The following DLEC1 variants were observed in gnomAD, a reference collection of about 807,000 sequenced individuals.
The protein encoded by DLEC1 is DLEC1 cilia and flagella associated protein, also known as deleted in lung and esophageal cancer protein 1.
DLEC1 carries 146 observed loss-of-function variants against 198.1 expected under a neutral mutation model. That is an observed-to-expected ratio of 0.74 (90% confidence interval 0.64 to 0.85). The LOEUF (loss-of-function observed/expected upper bound fraction) is 0.85, where lower values mean the gene tolerates loss of function less well. DLEC1 is among the 40% of genes least tolerant of loss of function. The pLI is 0.00. For synonymous variants in DLEC1, 897 were observed against 866.8 expected, an observed-to-expected ratio of 1.03 and a Z score of -0.61; for missense variants, 2,233 against 2,220.0, an observed-to-expected ratio of 1.01 and a Z score of -0.12.
At chr3:38,051,653 A>C (rs1188125063) in intron 2 of DLEC1, 3 of 223,868 alleles carry the variant, frequency 1.3e-5, no homozygotes, top group Admixed American at 1.3e-4. Flanking sequence ...GCAGAGCTAG[A>C]GAATAAAAGC....
At chr3:38,079,011 G>C (rs1275386117) in intron 6 of DLEC1, among the ~76,000 whole-genome samples, 3 of 152,184 alleles carry the variant, frequency 2.0e-5, no homozygotes, top group African/African-American at 4.8e-5. Flanking sequence ...CATGCTGTGG[G>C]ATGGGATATT....
rs189664548 is a variant in DLEC1, at chr3:38,041,204, G to C, written c.411+1568G>C. On this transcript the variant is annotated intron_variant, in intron 1 of 36. Transcript: ENST00000308059. ...TTTTTAGTAGAGACAGGGTTTCACT[G>C]TGTTAGCCAGGATGGTCTCGATCTC... is the stretch of plus-strand genomic sequence containing the variant. 2.0e-3 allele frequency among the ~76,000 whole-genome samples: 310 copies of C among 152,102 alleles called. 4 individuals are homozygous for C. The highest frequency in any genetic ancestry group is 6.4e-3 in the African/African-American group (267 of 41,510).
At chr3:38,085,680 G>T (rs1698415829) in intron 8 of DLEC1, among the ~76,000 whole-genome samples, 1 of 152,122 alleles carries the variant, frequency 6.6e-6, no homozygotes, top group African/African-American at 2.4e-5. Flanking sequence ...CACAGCAGGG[G>T]ATGAGGCCAA....
At chr3:38,073,582 C>T (rs954524559) in intron 6 of DLEC1, among the ~76,000 whole-genome samples, 6 of 151,878 alleles carry the variant, frequency 4.0e-5, no homozygotes, top group Admixed American at 2.0e-4. Flanking sequence ...CAATGAGATG[C>T]GGCTATAGTA....
rs1699640183 is a variant in DLEC1, at chr3:38,107,713, G to C, written c.2994G>C (p.Leu998=). Residue 998 remains leucine, a synonymous_variant, in exon 20 of 37, where the codon CTG becomes CTC. Coordinates refer to ENST00000308059, the MANE Select transcript of DLEC1 (RefSeq NM_007335.4). ...TTITLINGTL[L]PTQFHWGKLL... ...TCACACTTATCAATGGCACGCTCCTGCCTACCCAGTTCCACTGGGGCAAGG... is the reference window on the plus strand; with the variant it reads ...TCACACTTATCAATGGCACGCTCCTCCCTACCCAGTTCCACTGGGGCAAGG... 1 of 1,614,006 alleles carries C rather than the reference G, an allele frequency of 6.2e-7. No individual in the cohort carries two copies. Among genetic ancestry groups the C allele is most frequent in the African/African-American group, 1.3e-5 (1 of 75,036 alleles).
intron 6 of DLEC1, among the ~76,000 whole-genome samples, chr3:38,075,924 G>A (rs1697590128): frequency 6.6e-6 from 1 of 152,168 alleles, no homozygotes. Context: ...TTGCCACTAA[G>A]GGTGAAAGAC....
intron 6 of DLEC1, among the ~76,000 whole-genome samples, chr3:38,073,932 A>G (rs1697461992): frequency 6.6e-6 from 1 of 152,208 alleles, no homozygotes; most frequent in Admixed American, 6.5e-5. Flanking sequence ...TTCAGTCGCT[A>G]AGCTGAGCAG....
chr3:38,117,124 G>A (rs1700218093), intron 30 of DLEC1, 24 bp downstream of exon 30: 1 of 1,613,890 alleles, frequency 6.2e-7, no homozygotes, highest in African/African-American at 1.3e-5. Context: ...GCCTGGGGTG[G>A]GGGCCGCAGC....
intron 31 of DLEC1, 83 bp from the exon 32 acceptor site, chr3:38,117,444 G>T (rs754767820): frequency 6.2e-7 from 1 of 1,605,334 alleles, no homozygotes; most frequent in Non-Finnish European, 8.5e-7. Flanking sequence ...GGAAAGGCTG[G>T]CCCGAGGCTG....
At chr3:38,100,254 G>A in intron 18 of DLEC1, 32 bp from the exon 19 acceptor site, 1 of 1,588,650 alleles carries the variant, frequency 6.3e-7, no homozygotes, top group Non-Finnish European at 8.6e-7. Flanking sequence ...AGTGTCCTCA[G>A]TGCTCATCCT....
intron 13 of DLEC1, chr3:38,095,443 A>G: frequency 6.5e-6 from 2 of 308,430 alleles, no homozygotes; most frequent in Non-Finnish European, 1.2e-5. Context: ...TGGCCCCAGC[A>G]TGGAGGGAAG....
chr3:38,098,017 A>T (rs945559341), intron 18 of DLEC1, 115 bp downstream of exon 18: 3 of 1,384,562 alleles, frequency 2.2e-6, no homozygotes, highest in Non-Finnish European at 2.0e-6. Context: ...GTGGAGGAAA[A>T]GCCTGCCTGG....
rs765977593 is a variant in DLEC1, at chr3:38,117,918, C to T, written c.4598C>T (p.Ala1533Val). The change falls in exon 33 of 37, where the codon GCG becomes GTG. Residue 1533 changes from alanine to valine, a missense_variant. Ala to Val is a moderately conservative substitution (Grantham distance 64). Coordinates refer to ENST00000308059, the MANE Select transcript of DLEC1 (RefSeq NM_007335.4). ...SRPFSVSQDGASQDHRAPGPG... is the reference protein window; with the variant it reads ...SRPFSVSQDGVSQDHRAPGPG... The stretch of plus-strand genomic sequence containing the variant: ...CCCTTCTCCGTTTCTCAAGATGGGG[C>T]GAGCCAGGACCACAGAGCTCCTGGC... 2.6e-5 allele frequency: 42 copies of T among 1,613,944 alleles called. No homozygotes were observed. The highest frequency in any genetic ancestry group is 5.5e-5 in the South Asian group (5 of 91,074).
At chr3:38,079,012 A>G (rs1280007788) in intron 6 of DLEC1, among the ~76,000 whole-genome samples, 2 of 152,090 alleles carry the variant, frequency 1.3e-5, no homozygotes, top group Non-Finnish European at 2.9e-5. Context: ...ATGCTGTGGG[A>G]TGGGATATTG....
chr3:38,079,286 G>A (rs1697821240), intron 6 of DLEC1, among the ~76,000 whole-genome samples: 1 of 152,166 alleles, frequency 6.6e-6, no homozygotes, highest in Non-Finnish European at 1.5e-5. Context: ...ACTAAAAGGA[G>A]TGCTTAAAAG....
chr3:38,116,767 T>C lies in DLEC1; in HGVS notation c.4063-6T>C, dbSNP rs1404243031. The C allele has an allele frequency of 1.2e-6, 2 of 1,610,082 alleles. No homozygotes were observed. The highest frequency in any genetic ancestry group is 1.7e-5 in the Admixed American group (1 of 59,814). ...TGCGTGAACCTCAGTGATTCCTTGG[T>C]GACAGGTTGAGGGCAGCTCCAGTGC... On this transcript the variant is annotated splice_region_variant and splice_polypyrimidine_tract_variant and intron_variant, in intron 28 of 36. Transcript: ENST00000308059.
chr3:38,111,001 C>T (rs1699850857), intron 23 of DLEC1, among the ~76,000 whole-genome samples: 1 of 152,168 alleles, frequency 6.6e-6, no homozygotes, highest in Non-Finnish European at 1.5e-5. Flanking sequence ...CACCCACATA[C>T]ACACATACAC....
chr3:38,052,081 C>G (rs1701145765), intron 2 of DLEC1: 1 of 282,826 alleles, frequency 3.5e-6, no homozygotes, highest in South Asian at 4.4e-5. Context: ...ACAGTAGTAG[C>G]AAAGGAACCA....
Position 38,063,822 on chromosome 3 carries a change from C to T in DLEC1, c.1095-19C>T. The T allele has an allele frequency of 6.2e-7, 1 of 1,604,324 alleles. No individual in the cohort carries two copies. The highest frequency in any genetic ancestry group is 8.5e-7 in the Non-Finnish European group (1 of 1,172,004). ...GATGAAACTAACAGCCTTTCTCCCCCTCTTTTTTCATCCCACAGTTGTGCT... is the reference window on the plus strand; with the variant it reads ...GATGAAACTAACAGCCTTTCTCCCCTTCTTTTTTCATCCCACAGTTGTGCT... On this transcript the variant is annotated intron_variant, in intron 5 of 36. Transcript: ENST00000308059.
Sources: gnomAD v4.1 joint callset for allele counts (sites outside exome capture counted in the v4.1 genomes callset) on GRCh38, gnomAD v4.1.1 for gene constraint, MANE v1.5 for transcripts, NCBI Gene and HGNC (gene_info 2026-07-23, HGNC 2026-07-21) for gene names.